TSPAN5: variants seen among roughly 807,000 people sequenced by gnomAD.
TSPAN5 encodes tetraspanin 5, also known as tetraspanin-5.
A neutral mutation model predicts 37.1 loss-of-function variants in TSPAN5; 10 were observed. The observed-to-expected ratio is 0.27, with a 90% CI of 0.17 to 0.46. The LOEUF is 0.46. Among genes scored for constraint, TSPAN5 ranks in the 20% least tolerant of loss-of-function variants. The probability of loss-of-function intolerance (pLI) is 1.00; values close to 1 mark genes in which losing one functional copy is unlikely to be tolerated. For missense variants in TSPAN5, 195 were observed against 326.6 expected (o/e 0.60, Z 3.11); for synonymous variants, 110 against 118.9 (o/e 0.93, Z 0.48).
chr4:98,557,822 T>C (rs1327724705), intron 1 of TSPAN5, among the ~76,000 whole-genome samples: 1 of 152,242 alleles, frequency 6.6e-6, no homozygotes, highest in Non-Finnish European at 1.5e-5. Context: ...TCTGTGGGTC[T>C]TCCCCTAGTC....
chr4:98,487,501 T>C (rs1752997919), intron 2 of TSPAN5, among the ~76,000 whole-genome samples: 1 of 151,914 alleles, frequency 6.6e-6, no homozygotes, highest in Non-Finnish European at 1.5e-5. Flanking sequence ...TCTCAGGAAA[T>C]AGGATCGAGC....
chr4:98,616,818 A>C lies in TSPAN5; in HGVS notation c.81+41328T>G, dbSNP rs561779758. Among the ~76,000 whole-genome samples, 3 of 151,844 alleles carry C rather than the reference A, an allele frequency of 2.0e-5. No individual in the cohort carries two copies. In the East Asian group the frequency reaches 5.8e-4, roughly 29 times the overall value. On this transcript the variant is annotated intron_variant, in intron 1 of 7. Coordinates refer to ENST00000305798, the MANE Select transcript of TSPAN5 (RefSeq NM_005723.4). ...CCTTCTCTCCATAAAATAACGATACACTCCAATTTCCAAATTCTTGAATAC... is the reference window on the plus strand; with the variant it reads ...CCTTCTCTCCATAAAATAACGATACCCTCCAATTTCCAAATTCTTGAATAC...
At chr4:98,486,994 G>T in intron 2 of TSPAN5, 110 bp from the exon 3 acceptor site, 1 of 1,068,338 alleles carries the variant, frequency 9.4e-7, no homozygotes, top group East Asian at 2.4e-5. Context: ...ACCTTCAGAG[G>T]GCATCTGATT....
At chr4:98,646,981 G>A (rs1757083354) in intron 1 of TSPAN5, among the ~76,000 whole-genome samples, 1 of 152,168 alleles carries the variant, frequency 6.6e-6, no homozygotes, top group Non-Finnish European at 1.5e-5. Flanking sequence ...TTTTGCAGAT[G>A]AAGGGGAGAC....
chr4:98,577,389 C>G (rs999499108), intron 1 of TSPAN5, among the ~76,000 whole-genome samples: 1 of 152,144 alleles, frequency 6.6e-6, no homozygotes, highest in African/African-American at 2.4e-5. Context: ...GTTTCCCCCC[C>G]TGAAACTCCA....
chr4:98,654,360 C>G (rs1047642838), intron 1 of TSPAN5, among the ~76,000 whole-genome samples: 15 of 152,170 alleles, frequency 9.9e-5, no homozygotes, highest in African/African-American at 3.6e-4. Context: ...GAATCCAAAA[C>G]AGTTAAAAGC....
intron 3 of TSPAN5, 90 bp from the exon 4 acceptor site, chr4:98,482,265 A>T: frequency 3.5e-6 from 4 of 1,135,152 alleles, no homozygotes; most frequent in Non-Finnish European, 5.0e-6. Context: ...CAGGTTTGTA[A>T]TTACATTGGA....
At chr4:98,623,162 C>G (rs1255563605) in intron 1 of TSPAN5, among the ~76,000 whole-genome samples, 1 of 152,104 alleles carries the variant, frequency 6.6e-6, no homozygotes, top group Non-Finnish European at 1.5e-5. Context: ...ACTACTTGAC[C>G]TGTTATCAGA....
intron 1 of TSPAN5, chr4:98,574,737 C>T (rs1755196387): frequency 6.6e-6 from 1 of 152,178 alleles, no homozygotes; most frequent in African/African-American, 2.4e-5. Flanking sequence ...GTAGCTATGA[C>T]TATTACCTAA....
intron 1 of TSPAN5, among the ~76,000 whole-genome samples, chr4:98,537,518 T>G (rs1754262282): frequency 6.6e-6 from 1 of 152,224 alleles, no homozygotes; most frequent in Non-Finnish European, 1.5e-5. Flanking sequence ...ACAGCCCTAG[T>G]ACCTTTAAAT....
chr4:98,537,128 G>A (rs924661902), intron 1 of TSPAN5, among the ~76,000 whole-genome samples: 1 of 152,226 alleles, frequency 6.6e-6, no homozygotes, highest in African/African-American at 2.4e-5. Context: ...CCCTGGTGGG[G>A]TGGGCACCGG....
intron 5 of TSPAN5, among the ~76,000 whole-genome samples, chr4:98,477,900 T>G (rs1169117704): frequency 6.6e-6 from 1 of 152,016 alleles, no homozygotes; most frequent in African/African-American, 2.4e-5. Flanking sequence ...GCTCAAGGGA[T>G]CCTCCCACCT....
At chr4:98,515,111 G>A (rs778423972) in intron 1 of TSPAN5, among the ~76,000 whole-genome samples, 2 of 152,184 alleles carry the variant, frequency 1.3e-5, no homozygotes, top group East Asian at 1.9e-4. Flanking sequence ...GGGAAAGTCT[G>A]GAGGCACAGC....
chr4:98,602,320 G>A (rs72908112), intron 1 of TSPAN5, among the ~76,000 whole-genome samples: 1,805 of 152,270 alleles, frequency 0.012, 34 homozygotes, highest in African/African-American at 0.041. Flanking sequence ...AAGCATTCCT[G>A]TGATTAATGG....
chr4:98,553,438 T>C (rs761311207), intron 1 of TSPAN5, among the ~76,000 whole-genome samples: 1 of 152,222 alleles, frequency 6.6e-6, no homozygotes, highest in Non-Finnish European at 1.5e-5. Flanking sequence ...ATTTCCTAAA[T>C]TGTCTGTCTA....
chr4:98,525,691 C>A (rs774265680), intron 1 of TSPAN5, among the ~76,000 whole-genome samples: 1 of 152,132 alleles, frequency 6.6e-6, no homozygotes, highest in Non-Finnish European at 1.5e-5. Context: ...ATATAGCTCA[C>A]ATTTATTTCA....
chr4:98,539,812 G>A (rs1754318449), intron 1 of TSPAN5, among the ~76,000 whole-genome samples: 1 of 128,820 alleles, frequency 7.8e-6, no homozygotes, highest in Admixed American at 7.9e-5. Flanking sequence ...AGAAGTGCAG[G>A]AACATCCTTT....
chr4:98,536,649 A>C (rs1019871380), intron 1 of TSPAN5, among the ~76,000 whole-genome samples: 1 of 152,178 alleles, frequency 6.6e-6, no homozygotes, highest in Non-Finnish European at 1.5e-5. Flanking sequence ...GGTTTTATCT[A>C]TAAGTCCCTG....
chr4:98,621,125 GAC>G (rs1273346276), intron 1 of TSPAN5, among the ~76,000 whole-genome samples: 3 of 152,078 alleles, frequency 2.0e-5, no homozygotes, highest in Non-Finnish European at 2.9e-5. Flanking sequence ...TGAAAATGAA[GAC>G]AGAGGTCAGG....
Sources: gnomAD v4.1 joint callset for allele counts (sites outside exome capture counted in the v4.1 genomes callset) on GRCh38, gnomAD v4.1.1 for gene constraint, MANE v1.5 for transcripts, NCBI Gene and HGNC (gene_info 2026-07-23, HGNC 2026-07-21) for gene names.